Variants in EPRS1 observed in about 807,000 individuals in gnomAD.
EPRS1 encodes the protein glutamyl-prolyl-tRNA synthetase 1.
EPRS1 carries 107 observed loss-of-function variants against 188.3 expected under a neutral mutation model. The ratio of observed to expected loss-of-function variants is 0.57; its 90% CI spans 0.49 to 0.67. The LOEUF (loss-of-function observed/expected upper bound fraction) is 0.67, where lower values mean the gene tolerates loss of function less well. EPRS1 is among the 30% of genes least tolerant of loss of function. The pLI, the probability that EPRS1 is intolerant of heterozygous loss-of-function variation, is 0.00. For synonymous variants in EPRS1, 596 were observed against 593.1 expected (o/e 1.00, Z -0.07); for missense variants, 1,577 against 1,802.2 (o/e 0.88, Z 2.26).
intron 15 of EPRS1, among the ~76,000 whole-genome samples, chr1:220,005,818 T>G (rs1423517444): frequency 2.1e-5 from 2 of 93,538 alleles, no homozygotes; most frequent in East Asian, 5.5e-4. Flanking sequence ...ACTTACATCG[T>G]TTTTTTTTTT....
chr1:219,974,673 A>G (rs928870535), intron 28 of EPRS1, among the ~76,000 whole-genome samples: 7 of 152,274 alleles, frequency 4.6e-5, no homozygotes, highest in African/African-American at 1.7e-4. Context: ...ACAAAATGAT[A>G]TTTAAAAAAA....
chr1:219,975,833 C>CAG (rs1215953913), intron 28 of EPRS1, among the ~76,000 whole-genome samples: 3 of 90,734 alleles, frequency 3.3e-5, no homozygotes, highest in Non-Finnish European at 7.3e-5. Context: ...TAAAAGTGTA[C>CAG]ACATATCTGT....
Position 220,020,232 on chromosome 1 carries a change from A to C in EPRS1, c.1116-11T>G. The stretch of plus-strand genomic sequence containing the variant: ...TATGTTGGATAAACACTAGAAAAAA[A>C]GAAAATAAAATAAACAAAACATTTT... On this transcript the variant is annotated splice_polypyrimidine_tract_variant and intron_variant, in intron 9 of 31. Coordinates refer to ENST00000366923, the MANE Select transcript of EPRS1 (RefSeq NM_004446.3). 2 of 1,540,426 alleles carry C rather than the reference A, an allele frequency of 1.3e-6. No homozygotes were observed. Among genetic ancestry groups the C allele is most frequent in the Non-Finnish European group, 8.9e-7 (1 of 1,119,046 alleles).
At chr1:219,989,158 A>C (rs531342211) in intron 18 of EPRS1, among the ~76,000 whole-genome samples, 51 of 152,272 alleles carry the variant, frequency 3.3e-4, no homozygotes, top group African/African-American at 1.2e-3. Flanking sequence ...AATCAGAACA[A>C]AGATCAGATC....
chr1:219,972,182 T>C (rs375120694), intron 29 of EPRS1, 35 bp from the exon 30 acceptor site: 349 of 1,325,790 alleles, frequency 2.6e-4, no homozygotes, highest in Non-Finnish European at 3.3e-4. Context: ...TACATAATTG[T>C]TCTCACAAAT....
chr1:220,037,773 T>C (rs1662215213), intron 2 of EPRS1, among the ~76,000 whole-genome samples: 1 of 152,126 alleles, frequency 6.6e-6, no homozygotes, highest in South Asian at 2.1e-4. Context: ...AAGGGAAGAT[T>C]CCTCCAAACT....
intron 21 of EPRS1, 35 bp downstream of exon 21, chr1:219,984,171 C>G (rs779646319): frequency 1.3e-6 from 2 of 1,534,476 alleles, no homozygotes; most frequent in South Asian, 1.1e-5. Context: ...CATTGACAGA[C>G]TTAAAACATA....
At chr1:220,030,547 A>C (rs1463005887) in intron 5 of EPRS1, 67 bp from the exon 6 acceptor site, 3 of 1,147,612 alleles carry the variant, frequency 2.6e-6, no homozygotes, top group Non-Finnish European at 3.9e-6. Context: ...ACACTCATTC[A>C]ACAAATGTGC....
intron 28 of EPRS1, among the ~76,000 whole-genome samples, chr1:219,974,496 A>C (rs767787844): frequency 6.6e-6 from 1 of 152,210 alleles, no homozygotes; most frequent in Admixed American, 6.5e-5. Context: ...GTAGATTTTA[A>C]GTAATTTTTT....
At chr1:219,997,370 A>T in intron 17 of EPRS1, 28 bp from the exon 18 acceptor site, 1 of 1,508,922 alleles carries the variant, frequency 6.6e-7, no homozygotes, top group Non-Finnish European at 8.9e-7. Flanking sequence ...CAAAAGTAAA[A>T]TAATTAATTC....
intron 2 of EPRS1, among the ~76,000 whole-genome samples, chr1:220,039,456 T>A (rs549315617): frequency 6.6e-6 from 1 of 152,232 alleles, no homozygotes; most frequent in African/African-American, 2.4e-5. Context: ...AAGAAAAGTA[T>A]ACTTCTTTCT....
intron 17 of EPRS1, 124 bp from the exon 18 acceptor site, chr1:219,997,466 C>T: frequency 2.5e-6 from 2 of 815,512 alleles, no homozygotes; most frequent in Non-Finnish European, 3.6e-6. Flanking sequence ...AACTTCAATC[C>T]CTTAAAAAGC....
chr1:220,005,188 T>C (rs963807922), intron 16 of EPRS1, 60 bp downstream of exon 16: 10 of 656,010 alleles, frequency 1.5e-5, no homozygotes, highest in Non-Finnish European at 2.5e-5. Flanking sequence ...ATTTCTAAAA[T>C]ATTACTCACT....
intron 27 of EPRS1, 66 bp from the exon 28 acceptor site, chr1:219,978,785 A>G (rs778984753): frequency 2.4e-4 from 294 of 1,226,170 alleles, no homozygotes; most frequent in Non-Finnish European, 3.2e-4. Context: ...AGCTCTCAGA[A>G]GTCGAAACCT....
chr1:220,020,247 CA>C, intron 9 of EPRS1, 26 bp from the exon 10 acceptor site: 1 of 1,434,872 alleles, frequency 7.0e-7, no homozygotes, highest in Non-Finnish European at 9.8e-7. Context: ...ATAAAATAAA[CA>C]AAACATTTTA....
chr1:219,999,196 C>G (rs1661296858), intron 17 of EPRS1, among the ~76,000 whole-genome samples: 2 of 150,076 alleles, frequency 1.3e-5, no homozygotes. Context: ...AGAAAAATAT[C>G]CTCAAAGATC....
intron 18 of EPRS1, among the ~76,000 whole-genome samples, chr1:219,989,805 T>A (rs1413893948): frequency 6.6e-6 from 1 of 152,148 alleles, no homozygotes; most frequent in Non-Finnish European, 1.5e-5. Flanking sequence ...AGAGAAAATG[T>A]ACAAAGAGAA....
intron 27 of EPRS1, 145 bp downstream of exon 27, chr1:219,979,273 T>G (rs1385972839): frequency 1.7e-6 from 1 of 593,688 alleles, no homozygotes; most frequent in African/African-American, 1.9e-5. Context: ...CACAAAACAC[T>G]AGGGTCCAGA....
At chr1:219,994,434 T>C (rs1661186681) in intron 18 of EPRS1, among the ~76,000 whole-genome samples, 1 of 152,248 alleles carries the variant, frequency 6.6e-6, no homozygotes, top group South Asian at 2.1e-4. Flanking sequence ...TTCTTAAATG[T>C]ATATACAGCT....
Sources: gnomAD v4.1 joint callset for allele counts (sites outside exome capture counted in the v4.1 genomes callset) on GRCh38, gnomAD v4.1.1 for gene constraint, MANE v1.5 for transcripts, NCBI Gene and HGNC (gene_info 2026-07-23, HGNC 2026-07-21) for gene names.